Variants in SLC24A4 observed in about 807,000 individuals in gnomAD.
SLC24A4 encodes sodium/potassium/calcium exchanger 4.
In SLC24A4, 53 loss-of-function variants were observed where a neutral mutation model predicts 79.0. The ratio of observed to expected loss-of-function variants is 0.67; its 90% CI spans 0.54 to 0.84. The LOEUF (loss-of-function observed/expected upper bound fraction) is 0.84. Among genes scored for constraint, SLC24A4 ranks in the 40% least tolerant of loss-of-function variants. The pLI, the probability that SLC24A4 is intolerant of heterozygous loss-of-function variation, is 0.00. For missense variants in SLC24A4, 731 were observed against 822.0 expected (o/e 0.89, Z 1.35); for synonymous variants, 323 against 323.8 (o/e 1.00, Z 0.03).
At chr14:92,477,670 G>A (rs754745828) in intron 12 of SLC24A4, among the ~76,000 whole-genome samples, 15 of 152,142 alleles carry the variant, frequency 9.9e-5, no homozygotes, top group Non-Finnish European at 1.6e-4. Context: ...GCCCAGGCTG[G>A]TCTTGAACTC....
chr14:92,484,158 C>A (rs1309323499), intron 13 of SLC24A4: 3 of 985,268 alleles, frequency 3.0e-6, no homozygotes, highest in Middle Eastern at 5.2e-4. Flanking sequence ...TCCCTCCCCC[C>A]AACCCAATCA....
At chr14:92,349,449 C>T (rs1886742357) in intron 2 of SLC24A4, among the ~76,000 whole-genome samples, 1 of 152,218 alleles carries the variant, frequency 6.6e-6, no homozygotes, top group Non-Finnish European at 1.5e-5. Flanking sequence ...CGTGAGCCAC[C>T]GTGCCCAGCC....
chr14:92,365,330 C>T (rs1021027439), intron 2 of SLC24A4, among the ~76,000 whole-genome samples: 4 of 152,262 alleles, frequency 2.6e-5, no homozygotes, highest in Admixed American at 1.3e-4. Context: ...TCTTAAAACA[C>T]GGCCATTCCA....
At chr14:92,463,587 C>T (rs565820303) in intron 12 of SLC24A4, among the ~76,000 whole-genome samples, 4 of 152,164 alleles carry the variant, frequency 2.6e-5, no homozygotes, top group East Asian at 1.9e-4. Flanking sequence ...ACTCTGTGTG[C>T]GCAGAGGTAT....
At chr14:92,338,486 G>C (rs1238229674) in intron 2 of SLC24A4, among the ~76,000 whole-genome samples, 1 of 152,184 alleles carries the variant, frequency 6.6e-6, no homozygotes, top group Non-Finnish European at 1.5e-5. Context: ...ATGGTGCTTG[G>C]CTAATGTGGT....
chr14:92,372,055 G>C (rs2141689088), intron 2 of SLC24A4, among the ~76,000 whole-genome samples: 2 of 152,338 alleles, frequency 1.3e-5, no homozygotes, highest in East Asian at 3.9e-4. Flanking sequence ...ATGTGGGATA[G>C]AGGGAAACAC....
At chr14:92,369,039 C>T (rs1256566638) in intron 2 of SLC24A4, among the ~76,000 whole-genome samples, 1 of 152,172 alleles carries the variant, frequency 6.6e-6, no homozygotes. Context: ...CTCTAAAGAC[C>T]CTGCCTCCAG....
intron 3 of SLC24A4, among the ~76,000 whole-genome samples, chr14:92,437,051 G>C (rs1232948278): frequency 6.6e-6 from 1 of 152,188 alleles, no homozygotes; most frequent in Non-Finnish European, 1.5e-5. Context: ...GAGTATCACT[G>C]TTTTAGCTGA....
chr14:92,371,850 G>A (rs957581769), intron 2 of SLC24A4, among the ~76,000 whole-genome samples: 5 of 152,236 alleles, frequency 3.3e-5, no homozygotes, highest in African/African-American at 7.2e-5. Flanking sequence ...GTGGCCTTGG[G>A]GCTAAGCTTC....
At chr14:92,342,075 T>C (rs1416894683) in intron 2 of SLC24A4, among the ~76,000 whole-genome samples, 3 of 152,104 alleles carry the variant, frequency 2.0e-5, no homozygotes, top group African/African-American at 7.2e-5. Flanking sequence ...CCACACACAC[T>C]GGGAGGATGT....
chr14:92,367,631 C>T (rs1887927200), intron 2 of SLC24A4, among the ~76,000 whole-genome samples: 1 of 152,226 alleles, frequency 6.6e-6, no homozygotes, highest in African/African-American at 2.4e-5. Flanking sequence ...AGTAGCAAGC[C>T]TCTCAAGGAG....
At chr14:92,478,275 C>G (rs769792976) in intron 12 of SLC24A4, among the ~76,000 whole-genome samples, 15 of 152,106 alleles carry the variant, frequency 9.9e-5, no homozygotes, top group Admixed American at 3.3e-4. Flanking sequence ...AGTTGTAGCT[C>G]TTATATTTAG....
chr14:92,370,592 A>G (rs925007123), intron 2 of SLC24A4, among the ~76,000 whole-genome samples: 5 of 152,234 alleles, frequency 3.3e-5, no homozygotes, highest in Non-Finnish European at 7.3e-5. Flanking sequence ...AAAGAAGGAG[A>G]GAAAGGATGA....
At chr14:92,407,796 G>T (rs1454592107) in intron 2 of SLC24A4, among the ~76,000 whole-genome samples, 1 of 151,998 alleles carries the variant, frequency 6.6e-6, no homozygotes, top group African/African-American at 2.4e-5. Flanking sequence ...TGAGATTTGG[G>T]CAGGGATACA....
intron 14 of SLC24A4, among the ~76,000 whole-genome samples, chr14:92,489,858 T>A (rs1264468885): frequency 1.3e-5 from 2 of 152,034 alleles, no homozygotes; most frequent in Non-Finnish European, 2.9e-5. Context: ...CCTGCCGGAG[T>A]GCCTGCCTCT....
intron 2 of SLC24A4, among the ~76,000 whole-genome samples, chr14:92,329,422 C>G (rs982186429): frequency 6.6e-6 from 1 of 152,226 alleles, no homozygotes; most frequent in African/African-American, 2.4e-5. Context: ...TGGGTTGTAA[C>G]CCCAGATCTT....
rs1439846948 is a variant in SLC24A4, at chr14:92,484,678, G to A, written c.1422+1832G>A. ...CCCTGGCCTTGGTTCAGCTAAATGG[G>A]GGACATGGGGACACTTGAACATTCA... On this transcript the variant is annotated intron_variant, in intron 13 of 16. Transcript: ENST00000532405. 3 of 985,220 alleles carry A rather than the reference G, an allele frequency of 3.0e-6. No individual in the cohort carries two copies. In the African/African-American group the frequency reaches 5.2e-5, roughly 17 times the overall value. The allele number at this position is 985,220 out of a possible 1,614,324, so 61.0% of individuals were successfully genotyped here.
intron 12 of SLC24A4, among the ~76,000 whole-genome samples, chr14:92,464,236 G>C (rs566286852): frequency 5.9e-5 from 9 of 152,146 alleles, no homozygotes; most frequent in African/African-American, 2.2e-4. Flanking sequence ...TTTTAGAGTG[G>C]CCTTCTTATA....
At chr14:92,362,455 C>T (rs1276280188) in intron 2 of SLC24A4, among the ~76,000 whole-genome samples, 1 of 152,150 alleles carries the variant, frequency 6.6e-6, no homozygotes, top group Non-Finnish European at 1.5e-5. Flanking sequence ...GGGCTGGGAG[C>T]TGGGTAGATG....
Sources: gnomAD v4.1 joint callset for allele counts (sites outside exome capture counted in the v4.1 genomes callset) on GRCh38, gnomAD v4.1.1 for gene constraint, MANE v1.5 for transcripts, NCBI Gene and HGNC (gene_info 2026-07-23, HGNC 2026-07-21) for gene names.